PINX1: variants seen among roughly 807,000 people sequenced by gnomAD.
PINX1 encodes PIN2 (TERF1) interacting telomerase inhibitor 1.
PINX1 carries 34 observed loss-of-function variants against 25.4 expected under a neutral mutation model. The ratio of observed to expected loss-of-function variants is 1.34; its 90% CI spans 1.02 to 1.78. The LOEUF (loss-of-function observed/expected upper bound fraction) is 1.78, where lower values mean the gene tolerates loss of function less well. Among genes scored for constraint, PINX1 ranks in the 40% most tolerant of loss-of-function variants. The pLI is 0.00. For missense variants in PINX1, 592 were observed against 404.9 expected (o/e 1.46, Z -3.97); for synonymous variants, 197 against 147.7 (o/e 1.33, Z -2.42).
chr8:10,837,049 C>T (rs888851456), intron 1 of PINX1, among the ~76,000 whole-genome samples: 2 of 152,220 alleles, frequency 1.3e-5, no homozygotes, highest in African/African-American at 4.8e-5. Context: ...TGACTGCTAT[C>T]CTTTGAAAGG....
chr8:10,774,713 C>T (rs1265556409), intron 6 of PINX1, among the ~76,000 whole-genome samples: 1 of 151,990 alleles, frequency 6.6e-6, no homozygotes, highest in South Asian at 2.1e-4. Flanking sequence ...AGTTGACTAA[C>T]AAAAAAAGTC....
At chr8:10,772,546 ATTT>A (rs1801259419) in intron 6 of PINX1, among the ~76,000 whole-genome samples, 1 of 152,204 alleles carries the variant, frequency 6.6e-6, no homozygotes, top group African/African-American at 2.4e-5. Flanking sequence ...AATCTTGTAC[ATTT>A]TTCAAGACAT....
At chr8:10,834,622 C>G in intron 2 of PINX1, 44 bp downstream of exon 2, 1 of 1,599,022 alleles carries the variant, frequency 6.3e-7, no homozygotes, top group Non-Finnish European at 8.5e-7. Flanking sequence ...AATTTCTAAT[C>G]TCTTTTCATA....
At chr8:10,777,273 T>TA (rs1801424050) in intron 6 of PINX1, among the ~76,000 whole-genome samples, 2 of 152,336 alleles carry the variant, frequency 1.3e-5, no homozygotes, top group Admixed American at 6.5e-5. Context: ...TTACTGGTAC[T>TA]AAAACAACTC....
intron 6 of PINX1, among the ~76,000 whole-genome samples, chr8:10,775,470 A>G (rs1801364287): frequency 7.6e-6 from 1 of 132,114 alleles, no homozygotes; most frequent in Admixed American, 8.7e-5. Context: ...CCATTACAGG[A>G]TTACAGGGCA....
chr8:10,781,408 G>T (rs1181551543), intron 6 of PINX1, among the ~76,000 whole-genome samples: 5 of 152,100 alleles, frequency 3.3e-5, no homozygotes, highest in African/African-American at 1.2e-4. Context: ...CAATGAAAAG[G>T]CAACCTACAA....
chr8:10,811,893 A>AG (rs1195290347), intron 6 of PINX1, among the ~76,000 whole-genome samples: 2 of 152,124 alleles, frequency 1.3e-5, no homozygotes, highest in Non-Finnish European at 1.5e-5. Flanking sequence ...GGTAGAGGGG[A>AG]GGGGGCCAGA....
chr8:10,798,798 G>C (rs1802170695), intron 6 of PINX1, among the ~76,000 whole-genome samples: 1 of 152,190 alleles, frequency 6.6e-6, no homozygotes, highest in Non-Finnish European at 1.5e-5. Flanking sequence ...AGCTTGTTAA[G>C]AATGCTGATT....
At chr8:10,808,037 A>G (rs1395089229) in intron 6 of PINX1, among the ~76,000 whole-genome samples, 1 of 152,218 alleles carries the variant, frequency 6.6e-6, no homozygotes, top group Non-Finnish European at 1.5e-5. Context: ...GATATACAGA[A>G]TGCTTTTGTT....
At chr8:10,771,238 G>A (rs1408500769) in intron 6 of PINX1, 1 of 152,176 alleles carries the variant, frequency 6.6e-6, no homozygotes, top group East Asian at 1.9e-4. Context: ...AAGGGATTGT[G>A]GAGACCCCAC....
At chr8:10,807,907 A>G (rs1280393157) in intron 6 of PINX1, among the ~76,000 whole-genome samples, 2 of 152,184 alleles carry the variant, frequency 1.3e-5, no homozygotes, top group Non-Finnish European at 2.9e-5. Context: ...TGGAAATCTT[A>G]AGAGAGAGGT....
At chr8:10,810,041 G>A (rs1475193720) in intron 6 of PINX1, among the ~76,000 whole-genome samples, 1 of 152,160 alleles carries the variant, frequency 6.6e-6, no homozygotes, top group Non-Finnish European at 1.5e-5. Context: ...GCAGGAGGAG[G>A]TGCCAGGCTC....
At chr8:10,803,782 A>G (rs1802346270) in intron 6 of PINX1, among the ~76,000 whole-genome samples, 1 of 152,196 alleles carries the variant, frequency 6.6e-6, no homozygotes, top group South Asian at 2.1e-4. Context: ...TTAGACTGAA[A>G]AATACTCTTT....
chr8:10,832,091 A>C (rs1225182726), intron 3 of PINX1, among the ~76,000 whole-genome samples: 1 of 152,160 alleles, frequency 6.6e-6, no homozygotes, highest in Non-Finnish European at 1.5e-5. Context: ...CACTAGGGGA[A>C]ATTCCATAGT....
chr8:10,802,861 G>A (rs1011130730), intron 6 of PINX1, among the ~76,000 whole-genome samples: 2 of 152,142 alleles, frequency 1.3e-5, no homozygotes, highest in Non-Finnish European at 2.9e-5. Flanking sequence ...TTTGCTTCCA[G>A]CCCTGACTTC....
intron 6 of PINX1, among the ~76,000 whole-genome samples, chr8:10,784,795 T>C (rs1801696256): frequency 6.6e-6 from 1 of 152,234 alleles, no homozygotes; most frequent in African/African-American, 2.4e-5. Flanking sequence ...GGGGATGTCA[T>C]TAATGCTAGT....
At chr8:10,781,516 C>A (rs532765237) in intron 6 of PINX1, among the ~76,000 whole-genome samples, 1 of 152,104 alleles carries the variant, frequency 6.6e-6, no homozygotes, top group Non-Finnish European at 1.5e-5. Flanking sequence ...AAATACATAA[C>A]CTGATTAAAA....
intron 1 of PINX1, among the ~76,000 whole-genome samples, chr8:10,836,363 C>G (rs759275473): frequency 6.6e-6 from 1 of 152,174 alleles, no homozygotes; most frequent in Non-Finnish European, 1.5e-5. Flanking sequence ...CATAACACTG[C>G]GTCTGCTAAT....
At chr8:10,807,920 C>T (rs2129082165) in intron 6 of PINX1, among the ~76,000 whole-genome samples, 1 of 152,248 alleles carries the variant, frequency 6.6e-6, no homozygotes, top group East Asian at 1.9e-4. Flanking sequence ...AGAGAGGTCT[C>T]CTGGGAGACA....
Sources: allele counts gnomAD v4.1 joint callset (sites outside exome capture counted in the v4.1 genomes callset), GRCh38; gene constraint gnomAD v4.1.1; transcripts MANE v1.5; gene names NCBI Gene and HGNC (gene_info 2026-07-23, HGNC 2026-07-21).